Variants in BNC2 observed in about 807,000 individuals in gnomAD.
BNC2 encodes basonuclin zinc finger protein 2.
Under a neutral mutation model 76.3 loss-of-function variants are expected in BNC2, and 20 were observed. The ratio of observed to expected loss-of-function variants is 0.26; its 90% confidence interval spans 0.18 to 0.38. BNC2 has a LOEUF of 0.38. BNC2 is among the 10% of genes least tolerant of loss of function. The pLI is 1.00. For synonymous variants in BNC2, 582 were observed against 514.8 expected, an observed-to-expected ratio of 1.13 and a Z score of -1.77; for missense variants, 1,382 against 1,399.8, an observed-to-expected ratio of 0.99 and a Z score of 0.20.
At chr9:16,505,655 T>A (rs946490389) in intron 5 of BNC2, among the ~76,000 whole-genome samples, 1 of 152,118 alleles carries the variant, frequency 6.6e-6, no homozygotes, top group African/African-American at 2.4e-5. Context: ...GAAAACTTTT[T>A]AAAAGAGAAT....
At chr9:16,861,199 T>TAAATTAACC (rs1563975447) in intron 1 of BNC2, among the ~76,000 whole-genome samples, 1 of 147,076 alleles carries the variant, frequency 6.8e-6, no homozygotes, top group Admixed American at 6.8e-5. Flanking sequence ...TATATATATA[T>TAAATTAACC]ATAAATTAAC....
At chr9:16,437,588 T>C in intron 5 of BNC2, 64 bp from the exon 6 acceptor site, 1 of 1,564,444 alleles carries the variant, frequency 6.4e-7, no homozygotes, top group Admixed American at 1.8e-5. Flanking sequence ...TGCATAATTA[T>C]TCAATGCAAC....
intron 1 of BNC2, among the ~76,000 whole-genome samples, chr9:16,751,708 G>C (rs1825217032): frequency 9.2e-6 from 1 of 108,718 alleles, no homozygotes; most frequent in Admixed American, 9.2e-5. Context: ...ATATATATAT[G>C]TATGTATATA....
Position 16,496,845 on chromosome 9 carries a change from C to G in BNC2, c.669+55685G>C, listed in dbSNP as rs1012901626. The stretch of plus-strand genomic sequence containing the variant: ...CTATTCAAGCCGATGCTGTATTTAC[C>G]AGACACCCAGTTGCTGTTTATAGGG... On this transcript the variant is annotated intron_variant, in intron 5 of 6. Coordinates refer to ENST00000380672, the MANE Select transcript of BNC2 (RefSeq NM_017637.6). Among the ~76,000 whole-genome samples the G allele has an allele frequency of 1.3e-4, 20 of 152,296 alleles. 1 individual carries two copies. The highest frequency in any genetic ancestry group is 5.8e-4 in the East Asian group (3 of 5,184).
chr9:16,794,567 T>A (rs1311843237), intron 1 of BNC2, among the ~76,000 whole-genome samples: 1 of 152,160 alleles, frequency 6.6e-6, no homozygotes, highest in Non-Finnish European at 1.5e-5. Context: ...GTCATTATCA[T>A]CATCTAGGCC....
chr9:16,765,485 G>C (rs1490751045), intron 1 of BNC2, among the ~76,000 whole-genome samples: 1 of 152,120 alleles, frequency 6.6e-6, no homozygotes, highest in African/African-American at 2.4e-5. Flanking sequence ...GTCAAAACTA[G>C]TGCCTTTTAA....
rs28416165 is a variant in BNC2 at position 16,606,990 on chromosome 9, C to A, written c.331-23905G>T. On this transcript the variant is annotated intron_variant, in intron 3 of 6. Transcript: ENST00000380672. ...TGAGGCAGGGTCTCACTCTGTCACC[C>A]AGGCTGGAGTGCAGTGGTGTGACCA... Among the ~76,000 whole-genome samples, 4 of 152,324 alleles carry A rather than the reference C, an allele frequency of 2.6e-5. No homozygotes were observed. The South Asian group carries it at 8.3e-4, about 32-fold the overall frequency.
chr9:16,435,110 T>C (rs1431689333), intron 6 of BNC2: 3 of 471,140 alleles, frequency 6.4e-6, no homozygotes, highest in African/African-American at 6.0e-5. Flanking sequence ...CTATATTGGA[T>C]AAATATGTGT....
intron 1 of BNC2, among the ~76,000 whole-genome samples, chr9:16,768,638 G>A (rs1031340785): frequency 6.6e-6 from 1 of 152,126 alleles, no homozygotes; most frequent in Non-Finnish European, 1.5e-5. Flanking sequence ...ACCTAACTCA[G>A]TAAGTATTTG....
Position 16,727,765 on chromosome 9 carries a change from GA to G in BNC2, c.330+31del, listed in dbSNP as rs201607578. On this transcript the variant is annotated intron_variant, in intron 3 of 6. Coordinates refer to ENST00000380672, the MANE Select transcript of BNC2 (RefSeq NM_017637.6). The stretch of plus-strand genomic sequence containing the variant: ...ACAATTCAAGGTTTCTTAAAAAAAA[GA>G]AAAAAAAAATCAAGAAAGAAAGTAA... 1,057 of 1,501,368 alleles carry G rather than the reference GA, an allele frequency of 7.0e-4. 7 individuals are homozygous for G. Among genetic ancestry groups the G allele is most frequent in the African/African-American group, 6.4e-3 (452 of 70,678 alleles). 93.0% of individuals were successfully genotyped at this position (1,501,368 alleles called of 1,614,324 possible).
chr9:16,476,836 C>T (rs1205829948), intron 5 of BNC2, among the ~76,000 whole-genome samples: 3 of 152,058 alleles, frequency 2.0e-5, no homozygotes, highest in Non-Finnish European at 4.4e-5. Flanking sequence ...TTCCTGAAAT[C>T]GTATTTTTGA....
intron 4 of BNC2, among the ~76,000 whole-genome samples, chr9:16,567,067 A>G (rs1819190609): frequency 6.6e-6 from 1 of 152,220 alleles, no homozygotes; most frequent in African/African-American, 2.4e-5. Context: ...TTATGGCTAC[A>G]AAACAAAGGA....
intron 4 of BNC2, among the ~76,000 whole-genome samples, chr9:16,579,284 A>T (rs1038996319): frequency 8.0e-5 from 12 of 149,326 alleles, no homozygotes; most frequent in Admixed American, 6.7e-4. Context: ...TTAATTTATT[A>T]TTTTTTTTTT....
chr9:16,746,961 CA>C lies in BNC2; in HGVS notation c.4-8477del, dbSNP rs34521803. ...TGGGTGACAGAGCAAGACTCCATCT[CA>C]AAAAAAAAAAAAATTAATCCATGTA... On this transcript the variant is annotated intron_variant, in intron 1 of 6. Transcript: ENST00000380672. Among the ~76,000 whole-genome samples the C allele has an allele frequency of 1.6e-3, 216 of 138,672 alleles. 2 individuals are homozygous for C. Among genetic ancestry groups the C allele is most frequent in the African/African-American group, 4.8e-3 (177 of 37,192 alleles). 91.0% of individuals were successfully genotyped at this position (138,672 alleles called of 152,430 possible).
At chr9:16,691,808 CAT>C (rs1491354219) in intron 3 of BNC2, among the ~76,000 whole-genome samples, 3 of 84,194 alleles carry the variant, frequency 3.6e-5, no homozygotes, top group Admixed American at 1.6e-4. Flanking sequence ...TGTGCCCAGC[CAT>C]TTTTTTTTTT....
In BNC2 at chr9:16,570,178, T is replaced by C. The variant is rs537328813; in HGVS notation, c.433+12805A>G. 5.3e-5 allele frequency among the ~76,000 whole-genome samples: 8 copies of C among 152,294 alleles called. No homozygotes were observed. The South Asian group carries it at 1.5e-3, about 28-fold the overall frequency. On this transcript the variant is annotated intron_variant, in intron 4 of 6. Coordinates refer to ENST00000380672, the MANE Select transcript of BNC2 (RefSeq NM_017637.6). ...AAGGCAAGGCATATTTACTATTTGA[T>C]AAAATATATGCTTTAAACTATCACA...
intron 3 of BNC2, among the ~76,000 whole-genome samples, chr9:16,698,896 C>T (rs1823424567): frequency 6.6e-6 from 1 of 152,156 alleles, no homozygotes; most frequent in African/African-American, 2.4e-5. Context: ...GCCCTTCAGG[C>T]AGTTTTCTCT....
chr9:16,868,436 G>GA (rs1292408854), intron 1 of BNC2, among the ~76,000 whole-genome samples: 2 of 152,074 alleles, frequency 1.3e-5, no homozygotes, highest in Admixed American at 1.3e-4. Context: ...TCAAATAGAA[G>GA]AAAAAATCAG....
At position 16,845,521 on chromosome 9, in the gene BNC2, A is replaced by T. The variant is rs144032473; in HGVS notation, c.3+25125T>A. Among the ~76,000 whole-genome samples the T allele has an allele frequency of 2.5e-3, 385 of 152,030 alleles. 8 individuals are homozygous for T. The East Asian group carries it at 0.049, about 19-fold the overall frequency. Reference sequence around the variant, plus strand: ...CGGATCACAAGGTCAGGAGATCGAGACCATCCTGGCTAACACAGTGAAACC... The same window carrying T: ...CGGATCACAAGGTCAGGAGATCGAGTCCATCCTGGCTAACACAGTGAAACC... On this transcript the variant is annotated intron_variant, in intron 1 of 6. Coordinates refer to ENST00000380672, the MANE Select transcript of BNC2 (RefSeq NM_017637.6).
Sources: gnomAD v4.1 joint callset for allele counts (sites outside exome capture counted in the v4.1 genomes callset) on GRCh38, gnomAD v4.1.1 for gene constraint, MANE v1.5 for transcripts, NCBI Gene and HGNC (gene_info 2026-07-23, HGNC 2026-07-21) for gene names.